SLC28A1: variants seen among roughly 807,000 people sequenced by gnomAD.
SLC28A1 encodes the protein solute carrier family 28 member 1.
Under a neutral mutation model 74.8 loss-of-function variants are expected in SLC28A1, and 64 were observed. That is an observed-to-expected ratio of 0.86 (90% CI 0.70 to 1.05). The LOEUF is 1.05. Among genes scored for constraint, SLC28A1 ranks in the 50% least tolerant of loss-of-function variants. The pLI is 0.00. For synonymous variants in SLC28A1, 359 were observed against 335.0 expected (o/e 1.07, Z -0.78); for missense variants, 828 against 822.8 (o/e 1.01, Z -0.08).
chr15:84,914,612 G>T (rs997240585), intron 9 of SLC28A1, among the ~76,000 whole-genome samples: 1 of 152,160 alleles, frequency 6.6e-6, no homozygotes, highest in East Asian at 1.9e-4. Context: ...CAGATGCTAT[G>T]AGGATTCATG....
chr15:84,933,605 A>G (rs1023941247), intron 13 of SLC28A1, among the ~76,000 whole-genome samples: 1 of 152,204 alleles, frequency 6.6e-6, no homozygotes, highest in Non-Finnish European at 1.5e-5. Flanking sequence ...ACAGGGCATC[A>G]CATGGCGAGG....
intron 9 of SLC28A1, among the ~76,000 whole-genome samples, chr15:84,910,526 T>A (rs747468489): frequency 6.6e-6 from 1 of 151,964 alleles, no homozygotes; most frequent in Admixed American, 6.6e-5. Flanking sequence ...GTTGGGAGTT[T>A]GAGACCAGCC....
the SLC28A1 span, among the ~76,000 whole-genome samples, chr15:84,957,660 T>G: frequency 6.6e-6 from 1 of 152,240 alleles, no homozygotes; most frequent in East Asian, 1.9e-4. Flanking sequence ...CTCTTAATTC[T>G]ATTCCATTTA....
intron 6 of SLC28A1, among the ~76,000 whole-genome samples, chr15:84,899,640 A>T (rs1229891618): frequency 6.6e-6 from 1 of 152,202 alleles, no homozygotes; most frequent in Non-Finnish European, 1.5e-5. Flanking sequence ...AGAATTCTTT[A>T]CCAGTGAAAT....
chr15:84,911,078 C>T lies in SLC28A1; in HGVS notation c.795+2283C>T, dbSNP rs758726647. 7.2e-5 allele frequency among the ~76,000 whole-genome samples: 11 copies of T among 152,338 alleles called. No individual in the cohort carries two copies. In the South Asian group the frequency reaches 2.3e-3, roughly 32 times the overall value. On this transcript the variant is annotated intron_variant, in intron 9 of 18. Transcript: ENST00000394573. ...AATTAAAGCCTCGTTAGCCAAAAAG[C>T]AGGGGAAGAGGTGCCCGGCGGGCCA...
chr15:84,933,146 T>A lies in SLC28A1; in HGVS notation c.1085T>A (p.Ile362Asn), dbSNP rs1372135261. 1.2e-6 allele frequency: 2 copies of A among 1,613,138 alleles called. No individual in the cohort carries two copies. Among genetic ancestry groups the A allele is most frequent in the East Asian group, 4.5e-5 (2 of 44,834 alleles). ...SLLGAYISFG[I>N]DATSLIAASV... is the part of the protein sequence containing the mutation. ...GAACCTGCACTCTCACTCTTGCAGATCGATGCCACCTCGTTGATTGCAGCC... is the reference window on the plus strand; with the variant it reads ...GAACCTGCACTCTCACTCTTGCAGAACGATGCCACCTCGTTGATTGCAGCC... The change falls in exon 13 of 19, where the codon ATC becomes AAC. Residue 362 changes from isoleucine (I) to asparagine (N), a missense_variant and splice_region_variant. By Grantham distance (149) the Ile-to-Asn change is moderately radical (BLOSUM62 -3). Transcript: ENST00000394573.
intron 6 of SLC28A1, among the ~76,000 whole-genome samples, chr15:84,897,961 A>C (rs1966182946): frequency 6.7e-6 from 1 of 149,958 alleles, no homozygotes; most frequent in African/African-American, 2.4e-5. Context: ...AAATAACAGG[A>C]TTTCATTGTT....
chr15:84,932,789 C>T (rs1447846500), intron 12 of SLC28A1, among the ~76,000 whole-genome samples: 1 of 152,166 alleles, frequency 6.6e-6, no homozygotes, highest in African/African-American at 2.4e-5. Context: ...GAAGAAAGAA[C>T]CTTGAACTTG....
chr15:84,912,000 C>A (rs576271993), intron 9 of SLC28A1, among the ~76,000 whole-genome samples: 1 of 152,128 alleles, frequency 6.6e-6, no homozygotes, highest in Non-Finnish European at 1.5e-5. Flanking sequence ...CATTTCCCAG[C>A]GAAACACCAG....
chr15:84,951,455 A>C, the SLC28A1 span, among the ~76,000 whole-genome samples: 1 of 142,218 alleles, frequency 7.0e-6, no homozygotes, highest in African/African-American at 2.6e-5. Flanking sequence ...AAAAAAAAAG[A>C]AGGAGTCTGG....
chr15:84,920,703 G>GGTGTGTGTGTGTGTGTGTGT (rs61457641), intron 10 of SLC28A1, among the ~76,000 whole-genome samples: 3 of 137,284 alleles, frequency 2.2e-5, no homozygotes, highest in South Asian at 2.2e-4. Flanking sequence ...ATCTCCAAGG[G>GGTGTGTGTGTGTGTGTGTGT]GTGTGTGTGT....
the SLC28A1 span, among the ~76,000 whole-genome samples, chr15:84,960,294 C>T: frequency 1.1e-4 from 14 of 125,204 alleles, no homozygotes; most frequent in Admixed American, 1.1e-3. Flanking sequence ...CTTGCTCTGT[C>T]GCCCAGGCTG....
chr15:84,949,352 G>T (rs1056249932), downstream of SLC28A1, among the ~76,000 whole-genome samples: 9 of 152,152 alleles, frequency 5.9e-5, no homozygotes, highest in Non-Finnish European at 8.8e-5. Context: ...GAGGATATTT[G>T]AAAGAGGCAG....
At chr15:84,915,512 T>C (rs1968959949) in intron 9 of SLC28A1, among the ~76,000 whole-genome samples, 1 of 152,184 alleles carries the variant, frequency 6.6e-6, no homozygotes, top group South Asian at 2.1e-4. Context: ...GTGCTGCTTC[T>C]TGCAAGGGCT....
At chr15:84,951,534 TC>T in the SLC28A1 span, among the ~76,000 whole-genome samples, 1 of 152,076 alleles carries the variant, frequency 6.6e-6, no homozygotes, top group Non-Finnish European at 1.5e-5. Context: ...GGAATAAGTT[TC>T]TATCTCCTTT....
At chr15:84,962,619 A>G in the SLC28A1 span, among the ~76,000 whole-genome samples, 1 of 151,330 alleles carries the variant, frequency 6.6e-6, no homozygotes, top group African/African-American at 2.4e-5. Context: ...TTGTATTTTT[A>G]GTAGAGATGG....
At chr15:84,904,763 CAATTCTGATGTGTACTA>C (rs11269538) in intron 7 of SLC28A1, among the ~76,000 whole-genome samples, 86,866 of 149,838 alleles carry the variant, frequency 0.58, 25,540 homozygotes, top group Middle Eastern at 0.66. Flanking sequence ...TCAGCAAGCA[CAATTCTGATGTGTACTA>C]AATTCTGATG....
At chr15:84,915,154 G>A (rs370131418) in intron 9 of SLC28A1, among the ~76,000 whole-genome samples, 4 of 152,172 alleles carry the variant, frequency 2.6e-5, no homozygotes, top group African/African-American at 9.7e-5. Context: ...CATCCTACCC[G>A]TGCTGGAGGT....
chr15:84,921,040 AGT>A lies in SLC28A1; in HGVS notation c.932_933del (p.Val311GlyfsTer26), dbSNP rs1454382743. On this transcript the variant is annotated frameshift_variant, in exon 11 of 19. Transcript: ENST00000394573. LOFTEE classifies it high-confidence loss of function. ...GGGCACCACAGCCACTGAGACCCTG[AGT>A]GTGGCTGGAAACATCTTTGTGAGCC... ...TMGTTATETL[S>X]VAGNIFVSQT... 1 of 1,614,014 alleles carries A rather than the reference AGT, an allele frequency of 6.2e-7. No homozygotes were observed. The highest frequency in any genetic ancestry group is 1.1e-5 in the South Asian group (1 of 91,066).
Sources: gnomAD v4.1 joint callset for allele counts (sites outside exome capture counted in the v4.1 genomes callset) on GRCh38, gnomAD v4.1.1 for gene constraint, MANE v1.5 for transcripts, NCBI Gene and HGNC (gene_info 2026-07-23, HGNC 2026-07-21) for gene names.